Variants in ACAN observed in about 807,000 individuals in gnomAD.
ACAN encodes aggrecan, also known as aggrecan core protein.
ACAN carries 47 observed loss-of-function variants against 169.1 expected under a neutral mutation model. The ratio of observed to expected loss-of-function variants is 0.28; its 90% CI spans 0.22 to 0.35. The LOEUF is 0.35. Among genes scored for constraint, ACAN ranks in the 10% least tolerant of loss-of-function variants. The pLI is 1.00. For missense variants in ACAN, 2,716 were observed against 2,759.9 expected (o/e 0.98, Z 0.36); for synonymous variants, 1,115 against 1,112.2 (o/e 1.00, Z -0.05).
At position 88,843,481 on chromosome 15, in the gene ACAN, A is replaced by T; in HGVS notation, c.884A>T (p.Asp295Val). 6.2e-7 allele frequency: 1 copy of T among 1,612,154 alleles called. No individual in the cohort carries two copies. Among genetic ancestry groups the T allele is most frequent in the Non-Finnish European group, 8.5e-7 (1 of 1,179,324 alleles). The change falls in exon 6 of 19, where the codon GAC (aspartate) becomes GTC (valine). Residue 295 changes from aspartate to valine, a missense_variant. Physicochemically the swap from Asp to Val is radical, Grantham distance 152. This residue lies in a region of ACAN where 1,283 missense variants were observed against 1,281.5 expected (regional missense o/e 1.00). Coordinates refer to ENST00000560601, the MANE Select transcript of ACAN (RefSeq NM_001369268.1). The surrounding 1 kb of genome is among the most constrained non-coding windows in gnomAD (Gnocchi z 4.0). ...QLYLAWQAGM[D>V]MCSAGWLADR... ...TACCTGGCCTGGCAGGCTGGCATGG[A>T]CATGTGCAGCGCCGGCTGGCTGGCC...
intron 1 of ACAN, among the ~76,000 whole-genome samples, chr15:88,829,593 G>A (rs889460074): frequency 2.0e-5 from 3 of 152,178 alleles, no homozygotes; most frequent in South Asian, 4.1e-4. Context: ...GTTCATGAGC[G>A]AGTGACAAGA....
At chr15:88,846,683 C>T (rs1450907057) in intron 7 of ACAN, among the ~76,000 whole-genome samples, 1 of 152,210 alleles carries the variant, frequency 6.6e-6, no homozygotes, top group South Asian at 2.1e-4. Context: ...CCACTACTTA[C>T]ATAGCATTGA....
rs1330571423 is a variant in ACAN at position 88,852,045 on chromosome 15, T to C, written c.2266+12T>C. The C allele has an allele frequency of 6.3e-7, 1 of 1,583,670 alleles. No individual in the cohort carries two copies. The highest frequency in any genetic ancestry group is 1.4e-5 in the African/African-American group (1 of 74,024). ...ATCCCCGCTGCCAGGTTGGTATGGC[T>C]TGGGTTCTGGGGCACACCCTGAAGC... is the stretch of plus-strand genomic sequence containing the variant. On this transcript the variant is annotated intron_variant, in intron 11 of 18. Transcript: ENST00000560601.
intron 13 of ACAN, among the ~76,000 whole-genome samples, chr15:88,864,290 CAG>C (rs1015215224): frequency 6.8e-6 from 1 of 148,072 alleles, no homozygotes; most frequent in African/African-American, 2.5e-5. Flanking sequence ...TTTTTTAAGA[CAG>C]AGTCTCGCAC....
chr15:88,858,851 C>T lies in ACAN; in HGVS notation c.6266C>T (p.Ser2089Phe). ...ISGATPVLPG[S>F]GVEVSSVPES... ...GGAGCTACCCCAGTGCTCCCTGGGT[C>T]TGGAGTAGAAGTATCATCAGTCCCA... Residue 2089 changes from serine to phenylalanine, a missense_variant, in exon 12 of 19, where the codon TCT becomes TTT. This residue lies in a region of ACAN where 1,389 missense variants were observed against 1,363.7 expected (regional missense o/e 1.02). Transcript: ENST00000560601. This position sits in a 1 kb window ranked among gnomAD's most constrained non-coding sequence, Gnocchi z 4.0. The T allele has an allele frequency of 6.2e-7, 1 of 1,613,372 alleles. No individual in the cohort carries two copies. Among genetic ancestry groups the T allele is most frequent in the South Asian group, 1.1e-5 (1 of 91,048 alleles).
At chr15:88,824,432 T>C (rs1334753770) in intron 1 of ACAN, among the ~76,000 whole-genome samples, 3 of 152,184 alleles carry the variant, frequency 2.0e-5, no homozygotes, top group Non-Finnish European at 4.4e-5. Flanking sequence ...AACAAATACT[T>C]GTTGAGCACC....
Position 88,825,912 on chromosome 15 carries a change from G to A in ACAN, c.-7-10288G>A, listed in dbSNP as rs535953216. ...TTATTGTTTGACTAGCATCCGCCTG[G>A]CTCCTGGTCAGGACAGTGAGGTTGG... On this transcript the variant is annotated intron_variant, in intron 1 of 18. Coordinates refer to ENST00000560601, the MANE Select transcript of ACAN (RefSeq NM_001369268.1). Among the ~76,000 whole-genome samples the A allele has an allele frequency of 2.2e-4, 34 of 152,280 alleles. No homozygotes were observed. The South Asian group carries it at 7.1e-3, about 32-fold the overall frequency.
chr15:88,836,485 C>G lies in ACAN; in HGVS notation c.70+209C>G, dbSNP rs114629087. ...GGCACACTCTTGCAGGAGCCTTGCT[C>G]AGATAACACTGCTCCTGACTGCCCT... On this transcript the variant is annotated intron_variant, in intron 2 of 18. Coordinates refer to ENST00000560601, the MANE Select transcript of ACAN (RefSeq NM_001369268.1). Among the ~76,000 whole-genome samples, 330 of 152,312 alleles carry G rather than the reference C, an allele frequency of 2.2e-3. 1 individual carries two copies. Among genetic ancestry groups the G allele is most frequent in the African/African-American group, 7.2e-3 (298 of 41,578 alleles).
At chr15:88,809,937 T>C (rs1445833516) in intron 1 of ACAN, among the ~76,000 whole-genome samples, 1 of 152,208 alleles carries the variant, frequency 6.6e-6, no homozygotes, top group East Asian at 1.9e-4. Context: ...GAAGTCATGA[T>C]AAAGTAAGGC....
rs1288718134 is a variant in ACAN at position 88,860,437 on chromosome 15, T to G, written c.6944T>G (p.Ile2315Arg). Reference protein sequence around the residue: ...PPGYTGEHCNIDIDECLSSPC... With the variant: ...PPGYTGEHCNRDIDECLSSPC... ...GGCTACACTGGCGAGCACTGTAACA[T>G]AGGTAAGGCCCTCATTGGCCGTGGA... The change falls in exon 13 of 19, where the codon ATA (isoleucine) becomes AGA (arginine). Residue 2315 changes from isoleucine to arginine, a missense_variant and splice_region_variant. Around this residue, in one of 3 missense-constraint regions of ACAN, gnomAD observed 1,389 missense variants for 1,363.7 expected, o/e 1.02. Coordinates refer to ENST00000560601, the MANE Select transcript of ACAN (RefSeq NM_001369268.1). 12 of 1,612,002 alleles carry G rather than the reference T, an allele frequency of 7.4e-6. No individual in the cohort carries two copies. The highest frequency in any genetic ancestry group is 1.0e-5 in the Non-Finnish European group (12 of 1,178,840).
chr15:88,847,773 C>A, intron 8 of ACAN, 138 bp from the exon 9 acceptor site: 1 of 1,170,974 alleles, frequency 8.5e-7, no homozygotes. Context: ...GCATAAGGGG[C>A]TTTTTCCTGG....
intron 11 of ACAN, among the ~76,000 whole-genome samples, chr15:88,852,734 G>C (rs1248339698): frequency 3.3e-5 from 5 of 152,198 alleles, no homozygotes. Flanking sequence ...GATGTAGAGT[G>C]TCCCAAATGA....
chr15:88,849,554 C>G lies in ACAN; in HGVS notation c.1849C>G (p.Arg617Gly), dbSNP rs776144534. 6.2e-7 allele frequency: 1 copy of G among 1,605,794 alleles called. No homozygotes were observed. Among genetic ancestry groups the G allele is most frequent in the Non-Finnish European group, 8.5e-7 (1 of 1,176,542 alleles). Residue 617 changes from arginine to glycine, a missense_variant, in exon 10 of 19, where the codon CGC (arginine) becomes GGC (glycine). Around this residue, in one of 3 missense-constraint regions of ACAN, gnomAD observed 1,283 missense variants for 1,281.5 expected, o/e 1.00. Coordinates refer to ENST00000560601, the MANE Select transcript of ACAN (RefSeq NM_001369268.1). The surrounding 1 kb of genome is among the most constrained non-coding windows in gnomAD (Gnocchi z 5.1). Reference protein sequence around the residue: ...TTGQLYAAWSRGLDKCYAGWL... With the variant: ...TTGQLYAAWSGGLDKCYAGWL... ...GGGCCAGCTCTACGCCGCCTGGAGC[C>G]GCGGCCTGGACAAGTGCTATGCCGG...
intron 1 of ACAN, among the ~76,000 whole-genome samples, chr15:88,831,839 C>T (rs1349994194): frequency 1.3e-5 from 2 of 152,116 alleles, no homozygotes; most frequent in Non-Finnish European, 2.9e-5. Flanking sequence ...TCCAGAAGGC[C>T]GCCACAGGAG....
At chr15:88,819,286 G>C (rs1305794572) in intron 1 of ACAN, among the ~76,000 whole-genome samples, 2 of 152,192 alleles carry the variant, frequency 1.3e-5, no homozygotes, top group Admixed American at 6.5e-5. Flanking sequence ...GGCTGTTAGA[G>C]GGAGGTCTTT....
At position 88,871,512 on chromosome 15, in the gene ACAN, C is replaced by T; in HGVS notation, c.7191C>T (p.Val2397=). 1.2e-6 allele frequency: 2 copies of T among 1,613,534 alleles called. No homozygotes were observed. Among genetic ancestry groups the T allele is most frequent in the South Asian group, 2.2e-5 (2 of 91,008 alleles). The change falls in exon 15 of 19, where the codon GTC becomes GTT. Residue 2397 remains valine, a synonymous_variant. Transcript: ENST00000560601. This position sits in a 1 kb window ranked among gnomAD's most constrained non-coding sequence, Gnocchi z 7.8. Reference sequence around the variant, plus strand: ...AGCAGTCACACCTGAGCAGCATCGTCACCCCCGAGGAGCAGGAGTTTGTCA... The same window carrying T: ...AGCAGTCACACCTGAGCAGCATCGTTACCCCCGAGGAGCAGGAGTTTGTCA... ...REQQSHLSSI[V]TPEEQEFVNN...
At position 88,845,724 on chromosome 15, in the gene ACAN, T is replaced by C; in HGVS notation, c.1271T>C (p.Ile424Thr). 1 of 1,613,866 alleles carries C rather than the reference T, an allele frequency of 6.2e-7. No homozygotes were observed. The highest frequency in any genetic ancestry group is 8.5e-7 in the Non-Finnish European group (1 of 1,179,848). ...GAGCCCTTCACGTTTGCCCCTGAAA[T>C]AGGGGCCACTGCCTTCGCTGAGGTT... The part of the protein sequence containing the change: ...PEEPFTFAPE[I>T]GATAFAEVEN... The change falls in exon 7 of 19, where the codon ATA becomes ACA. Residue 424 changes from isoleucine (I) to threonine (T), a missense_variant. Transcript: ENST00000560601.
intron 4 of ACAN, among the ~76,000 whole-genome samples, chr15:88,840,803 T>C (rs1294095221): frequency 4.2e-5 from 6 of 142,656 alleles, no homozygotes; most frequent in Non-Finnish European, 6.0e-5. Flanking sequence ...AAAAAAAAGA[T>C]GAGATAATAG....
At chr15:88,805,088 A>G (rs1174806642) in intron 1 of ACAN, among the ~76,000 whole-genome samples, 3 of 152,226 alleles carry the variant, frequency 2.0e-5, no homozygotes, top group Admixed American at 6.5e-5. Context: ...TTCTGAGGCC[A>G]TAGTCGGTCC....
Sources: gnomAD v4.1 joint callset for allele counts (sites outside exome capture counted in the v4.1 genomes callset) on GRCh38, gnomAD v4.1.1 for gene constraint, gnomAD v4.1.1 regional missense constraint, Gnocchi (gnomAD v3.1) non-coding constraint, MANE v1.5 for transcripts, NCBI Gene and HGNC (gene_info 2026-07-23, HGNC 2026-07-21) for gene names.